TBC1D9: variants seen among roughly 807,000 people sequenced by gnomAD.
The protein encoded by TBC1D9 is TBC1 domain family member 9.
A neutral mutation model predicts 132.0 loss-of-function variants in TBC1D9; 63 were observed. That is an observed-to-expected ratio of 0.48 (90% CI 0.39 to 0.59). The LOEUF is 0.59. Among genes scored for constraint, TBC1D9 ranks in the 20% least tolerant of loss-of-function variants. The pLI is 0.00. For missense variants in TBC1D9, 1,261 were observed against 1,592.7 expected (o/e 0.79, Z 3.54); for synonymous variants, 610 against 609.9 (o/e 1.00, Z 0.00).
At chr4:140,682,930 A>G (rs529330470) in intron 3 of TBC1D9, among the ~76,000 whole-genome samples, 1 of 152,330 alleles carries the variant, frequency 6.6e-6, no homozygotes, top group East Asian at 1.9e-4. Flanking sequence ...CTTGTTGCCC[A>G]GGCTGGAGTG....
At chr4:140,677,517 G>C (rs1737644431) in intron 5 of TBC1D9, among the ~76,000 whole-genome samples, 1 of 152,146 alleles carries the variant, frequency 6.6e-6, no homozygotes, top group African/African-American at 2.4e-5. Context: ...CTGGGCCTCA[G>C]TGTCCACCCC....
At chr4:140,629,166 A>T (rs866481253) in intron 16 of TBC1D9, among the ~76,000 whole-genome samples, 1 of 152,250 alleles carries the variant, frequency 6.6e-6, no homozygotes, top group African/African-American at 2.4e-5. Context: ...GCATCTGCTG[A>T]AACATTCTCA....
intron 6 of TBC1D9, among the ~76,000 whole-genome samples, chr4:140,674,525 T>G (rs1247953427): frequency 6.6e-6 from 1 of 151,924 alleles, no homozygotes. Context: ...GATTTAAAAT[T>G]TAATTGTGAT....
At chr4:140,730,771 G>T (rs1738578215) in intron 1 of TBC1D9, among the ~76,000 whole-genome samples, 1 of 152,060 alleles carries the variant, frequency 6.6e-6, no homozygotes, top group Non-Finnish European at 1.5e-5. Context: ...AATAGAACAT[G>T]AATTTGCTTG....
At chr4:140,740,110 G>A (rs978482056) in intron 1 of TBC1D9, among the ~76,000 whole-genome samples, 1 of 152,144 alleles carries the variant, frequency 6.6e-6, no homozygotes, top group Non-Finnish European at 1.5e-5. Context: ...CAGATATAAA[G>A]TAAAAGAGTT....
At chr4:140,666,646 T>G (rs1364252621) in intron 9 of TBC1D9, among the ~76,000 whole-genome samples, 1 of 151,922 alleles carries the variant, frequency 6.6e-6, no homozygotes, top group Non-Finnish European at 1.5e-5. Context: ...CCTATATCTA[T>G]TTTCCAAATG....
intron 15 of TBC1D9, among the ~76,000 whole-genome samples, chr4:140,635,955 G>A (rs1175765739): frequency 2.0e-5 from 3 of 152,152 alleles, no homozygotes; most frequent in Admixed American, 2.0e-4. Context: ...GCATGGTGTT[G>A]GGGATATATT....
intron 1 of TBC1D9, among the ~76,000 whole-genome samples, chr4:140,738,174 C>A (rs1738705179): frequency 6.6e-6 from 1 of 152,098 alleles, no homozygotes; most frequent in African/African-American, 2.4e-5. Flanking sequence ...TCTCTAGAAA[C>A]TATGAAAGGA....
intron 16 of TBC1D9, among the ~76,000 whole-genome samples, chr4:140,633,001 AT>A (rs1283332418): frequency 6.6e-6 from 1 of 152,174 alleles, no homozygotes; most frequent in African/African-American, 2.4e-5. Flanking sequence ...ACTTTATACA[AT>A]TTTTGTTTTA....
chr4:140,659,094 T>C (rs1277908096), intron 11 of TBC1D9, among the ~76,000 whole-genome samples: 1 of 151,998 alleles, frequency 6.6e-6, no homozygotes, highest in Non-Finnish European at 1.5e-5. Flanking sequence ...TTACAAGGAG[T>C]AACAGCAATA....
At chr4:140,674,691 ATT>A (rs112044868) in intron 6 of TBC1D9, among the ~76,000 whole-genome samples, 2 of 144,972 alleles carry the variant, frequency 1.4e-5, no homozygotes, top group African/African-American at 2.7e-5. Flanking sequence ...ATATATATAT[ATT>A]TTTTTTTAAT....
intron 2 of TBC1D9, among the ~76,000 whole-genome samples, chr4:140,687,342 T>TGTGATATATA (rs1560885798): frequency 1.8e-5 from 1 of 54,526 alleles, no homozygotes; most frequent in Non-Finnish European, 3.6e-5. Context: ...TGTGTGTGTG[T>TGTGATATATA]CATATATATA....
intron 1 of TBC1D9, among the ~76,000 whole-genome samples, chr4:140,744,580 C>T (rs550300070): frequency 1.3e-5 from 2 of 152,270 alleles, no homozygotes; most frequent in East Asian, 3.9e-4. Flanking sequence ...ACCTGTGAGA[C>T]CTCATCTACG....
chr4:140,737,812 A>G (rs1273848229), intron 1 of TBC1D9, among the ~76,000 whole-genome samples: 1 of 152,214 alleles, frequency 6.6e-6, no homozygotes, highest in African/African-American at 2.4e-5. Context: ...GTTAGACATT[A>G]GGATATCGGC....
chr4:140,651,521 C>T (rs780197252), intron 13 of TBC1D9, among the ~76,000 whole-genome samples: 13 of 151,096 alleles, frequency 8.6e-5, no homozygotes, highest in African/African-American at 1.5e-4. Flanking sequence ...CCATTAACAA[C>T]GGGTGAGAAC....
chr4:140,728,985 A>G (rs1738544035), intron 1 of TBC1D9, among the ~76,000 whole-genome samples: 1 of 152,134 alleles, frequency 6.6e-6, no homozygotes, highest in Non-Finnish European at 1.5e-5. Flanking sequence ...CTCTGGATGA[A>G]AACTGAGGCA....
intron 1 of TBC1D9, among the ~76,000 whole-genome samples, chr4:140,747,175 C>T (rs1257534123): frequency 6.6e-6 from 1 of 151,794 alleles, no homozygotes; most frequent in Non-Finnish European, 1.5e-5. Flanking sequence ...TGGTGAAAGC[C>T]CTCCTCTACT....
intron 1 of TBC1D9, among the ~76,000 whole-genome samples, chr4:140,713,360 C>T (rs1232077709): frequency 6.6e-6 from 1 of 152,130 alleles, no homozygotes; most frequent in African/African-American, 2.4e-5. Context: ...AAGGAAATGC[C>T]AGGAAAGATG....
chr4:140,636,525 A>C (rs1044548451), intron 15 of TBC1D9, among the ~76,000 whole-genome samples: 1 of 152,006 alleles, frequency 6.6e-6, no homozygotes, highest in South Asian at 2.1e-4. Flanking sequence ...CTGGGCTACA[A>C]ATATATGCTA....
Sources: gnomAD v4.1 joint callset for allele counts (sites outside exome capture counted in the v4.1 genomes callset) on GRCh38, gnomAD v4.1.1 for gene constraint, MANE v1.5 for transcripts, NCBI Gene and HGNC (gene_info 2026-07-23, HGNC 2026-07-21) for gene names.